Variants in CAND1 observed in about 807,000 individuals in gnomAD.
The protein encoded by CAND1 is cullin-associated NEDD8-dissociated protein 1.
In CAND1, 7 loss-of-function variants were observed where a neutral mutation model predicts 108.5. The observed-to-expected ratio is 0.06, with a 90% CI of 0.04 to 0.12. CAND1 has a LOEUF of 0.12. Ranked by LOEUF, CAND1 falls within the 10% of genes least tolerant of loss-of-function variation. The pLI is 1.00. For missense variants in CAND1, 941 were observed against 1,448.7 expected, an observed-to-expected ratio of 0.65 and a Z score of 5.69; for synonymous variants, 534 against 512.0, an observed-to-expected ratio of 1.04 and a Z score of -0.58.
In CAND1 at chr12:67,317,473, A is replaced by ATTTTTTTT. The variant is rs61481589; in HGVS notation, c.*4659_*4666dup. The ATTTTTTTT allele has an allele frequency of 2.5e-4, 22 of 88,188 alleles. No individual in the cohort carries two copies. The highest frequency in any genetic ancestry group is 6.0e-4 in the African/African-American group (11 of 18,440). The allele number at this position is 88,188 out of a possible 1,614,324, so 5.5% of individuals were successfully genotyped here. On this transcript the variant is annotated 3_prime_UTR_variant, in exon 15 of 15. Coordinates refer to ENST00000545606, the MANE Select transcript of CAND1 (RefSeq NM_018448.5). Reference sequence around the variant, plus strand: ...CTTTTTTCTTTTTTTTTCTTTCTTAATTTTTTTTTTTTTTTTTTTTTTTGA... The same window carrying ATTTTTTTT: ...CTTTTTTCTTTTTTTTTCTTTCTTAATTTTTTTTTTTTTTTTTTTTTTTTTTTTTTTGA...
chr12:67,304,455 T>C, intron 8 of CAND1, 150 bp from the exon 9 acceptor site: 1 of 708,156 alleles, frequency 1.4e-6, no homozygotes, highest in Non-Finnish European at 2.3e-6. Flanking sequence ...AAACTTGATC[T>C]TGTGTTAGCA....
chr12:67,298,899 A>T, intron 6 of CAND1, 51 bp from the exon 7 acceptor site: 1 of 1,093,400 alleles, frequency 9.1e-7, no homozygotes, highest in Non-Finnish European at 1.4e-6. Context: ...CAGGTAATGA[A>T]TCAAGGAGTA....
chr12:67,311,549 T>TGTCAAA, intron 13 of CAND1, 144 bp from the exon 14 acceptor site: 1 of 592,724 alleles, frequency 1.7e-6, no homozygotes. Context: ...GACAAATCTG[T>TGTCAAA]CTGATTCTGA....
intron 2 of CAND1, among the ~76,000 whole-genome samples, chr12:67,284,052 G>A (rs2135996987): frequency 6.6e-6 from 1 of 151,978 alleles, no homozygotes; most frequent in East Asian, 1.9e-4. Flanking sequence ...TCAAAAAATT[G>A]GAAAAATTGA....
At chr12:67,272,373 A>G (rs923896181) in intron 1 of CAND1, among the ~76,000 whole-genome samples, 1 of 152,218 alleles carries the variant, frequency 6.6e-6, no homozygotes, top group Non-Finnish European at 1.5e-5. Flanking sequence ...AGAGGCATGG[A>G]CATGACTAAT....
At chr12:67,310,438 G>C in intron 13 of CAND1, 122 bp downstream of exon 13, 1 of 695,812 alleles carries the variant, frequency 1.4e-6, no homozygotes. Flanking sequence ...ATTTTGATAA[G>C]CATATTGTAA....
At chr12:67,292,909 A>G in intron 3 of CAND1, 133 bp downstream of exon 3, 2 of 728,614 alleles carry the variant, frequency 2.7e-6, no homozygotes, top group Non-Finnish European at 4.6e-6. Flanking sequence ...CCCTTTGGAC[A>G]ATTAAGAAAA....
At chr12:67,279,558 A>G (rs926380541) in intron 1 of CAND1, among the ~76,000 whole-genome samples, 16 of 152,138 alleles carry the variant, frequency 1.1e-4, no homozygotes, top group East Asian at 1.9e-4. Context: ...AAAAATATCT[A>G]TTGCTAATTT....
chr12:67,312,815 A>C lies in CAND1; in HGVS notation c.3678A>C (p.Ser1226=), dbSNP rs2044966374. Residue 1226 remains serine, a synonymous_variant, in exon 15 of 15, where the codon TCA becomes TCC. Transcript: ENST00000545606. The part of the protein sequence containing the change: ...QKDSSSTNLE[S]MDTS ...ATTCATCATCTACTAACTTGGAATC[A>C]ATGGACACTAGTTAGATGTTTGTTC... The C allele has an allele frequency of 6.2e-7, 1 of 1,608,666 alleles. No homozygotes were observed. Among genetic ancestry groups the C allele is most frequent in the Non-Finnish European group, 8.5e-7 (1 of 1,176,194 alleles).
In CAND1 at chr12:67,319,841, A is replaced by C. The variant is rs1194010952; in HGVS notation, c.*7011A>C. The C allele has an allele frequency of 6.6e-6, 1 of 152,210 alleles. No homozygotes were observed. The highest frequency in any genetic ancestry group is 2.4e-5 in the African/African-American group (1 of 41,458). The allele number at this position is 152,210 out of a possible 1,614,324, so 9.4% of individuals were successfully genotyped here. Reference sequence around the variant, plus strand: ...TTCTAGAAATTTGTCAGAATTTCCAAAATTCTTGGGCCTTCCTTCTTGCTC... The same window carrying C: ...TTCTAGAAATTTGTCAGAATTTCCACAATTCTTGGGCCTTCCTTCTTGCTC... On this transcript the variant is annotated 3_prime_UTR_variant, in exon 15 of 15. Coordinates refer to ENST00000545606, the MANE Select transcript of CAND1 (RefSeq NM_018448.5).
intron 1 of CAND1, among the ~76,000 whole-genome samples, chr12:67,277,231 A>G (rs928381697): frequency 6.6e-5 from 10 of 152,198 alleles, no homozygotes; most frequent in Non-Finnish European, 1.0e-4. Context: ...TATCACAAAC[A>G]CTGAGTTAGC....
intron 1 of CAND1, 75 bp downstream of exon 1, chr12:67,269,860 C>T: frequency 2.3e-6 from 3 of 1,301,140 alleles, no homozygotes; most frequent in South Asian, 2.5e-5. Flanking sequence ...GCAGGCCTTG[C>T]CCCACCCCTT....
intron 8 of CAND1, among the ~76,000 whole-genome samples, chr12:67,303,497 C>T (rs575722305): frequency 8.5e-5 from 13 of 152,260 alleles, no homozygotes; most frequent in African/African-American, 2.6e-4. Context: ...AGGTATTGCT[C>T]AGTAGAGTTG....
chr12:67,303,992 C>CTTTT (rs397849975), intron 8 of CAND1, among the ~76,000 whole-genome samples: 1 of 138,562 alleles, frequency 7.2e-6, no homozygotes, highest in Non-Finnish European at 1.6e-5. Context: ...CTTTCTTTCT[C>CTTTT]TTTTTTTTTT....
At chr12:67,272,941 C>T (rs12299097) in intron 1 of CAND1, among the ~76,000 whole-genome samples, 10,623 of 152,110 alleles carry the variant, frequency 0.07, 1,227 homozygotes, top group African/African-American at 0.24. Context: ...GTGATCCACC[C>T]GCCTGGGCCT....
Position 67,292,718 on chromosome 12 carries a change from A to G in CAND1, c.309A>G (p.Arg103=), listed in dbSNP as rs1490889262. Residue 103 remains arginine, a synonymous_variant, in exon 3 of 15, where the codon CGA becomes CGG. Coordinates refer to ENST00000545606, the MANE Select transcript of CAND1 (RefSeq NM_018448.5). ...TGCTTTCTGATAAAGAACAACTTCG[A>G]GACATTTCAAGTATTGGTCTTAAAA... ...TNMLSDKEQL[R]DISSIGLKTV... is the part of the protein sequence containing the mutation. 1.2e-6 allele frequency: 2 copies of G among 1,613,748 alleles called. No homozygotes were observed. The highest frequency in any genetic ancestry group is 2.2e-5 in the South Asian group (2 of 91,038).
chr12:67,295,536 A>G (rs527343187), intron 4 of CAND1, among the ~76,000 whole-genome samples: 2 of 152,330 alleles, frequency 1.3e-5, no homozygotes, highest in African/African-American at 2.4e-5. Flanking sequence ...TTCGGTAACC[A>G]TATTAATAGT....
intron 11 of CAND1, among the ~76,000 whole-genome samples, chr12:67,309,315 T>A (rs2044924155): frequency 6.6e-6 from 1 of 151,950 alleles, no homozygotes; most frequent in African/African-American, 2.4e-5. Flanking sequence ...TTGTCCTATG[T>A]TAGCTTTCAA....
At position 67,305,604 on chromosome 12, in the gene CAND1, C is replaced by G; in HGVS notation, c.1936C>G (p.Pro646Ala). Residue 646 changes from proline (P) to alanine (A), a missense_variant, in exon 10 of 15, where the codon CCT becomes GCT. Around this residue, in one of 9 missense-constraint regions of CAND1, gnomAD observed 697 missense variants for 942.0 expected, o/e 0.74. Transcript: ENST00000545606. The surrounding 1 kb of genome is among the most constrained non-coding windows in gnomAD (Gnocchi z 4.4). ...GTCACCTTTGAAGATAGATTTGAGG[C>G]CTGTTCTGGGAGAAGGGGTTCCTAT... ...AGSPLKIDLRPVLGEGVPILA... is the reference protein window; with the variant it reads ...AGSPLKIDLRAVLGEGVPILA... 4.3e-6 allele frequency: 7 copies of G among 1,614,106 alleles called. No homozygotes were observed. The highest frequency in any genetic ancestry group is 1.6e-4 in the Middle Eastern group (1 of 6,062).
Sources: allele counts gnomAD v4.1 joint callset (sites outside exome capture counted in the v4.1 genomes callset), GRCh38; gene constraint gnomAD v4.1.1; regional missense constraint gnomAD v4.1.1; non-coding constraint Gnocchi (gnomAD v3.1); transcripts MANE v1.5; gene names NCBI Gene and HGNC (gene_info 2026-07-23, HGNC 2026-07-21).